The following CAMK1D variants were observed in gnomAD, a reference collection of about 807,000 sequenced individuals.
The protein encoded by CAMK1D is calcium/calmodulin dependent protein kinase ID, also known as calcium/calmodulin-dependent protein kinase type 1D.
CAMK1D carries 9 observed loss-of-function variants against 47.7 expected under a neutral mutation model. That is an observed-to-expected ratio of 0.19 (90% CI 0.11 to 0.33). The LOEUF is 0.33. Among genes scored for constraint, CAMK1D ranks in the 10% least tolerant of loss-of-function variants. The pLI is 1.00. For synonymous variants in CAMK1D, 184 were observed against 184.9 expected (o/e 0.99, Z 0.04); for missense variants, 291 against 488.7 (o/e 0.60, Z 3.81).
chr10:12,592,323 G>A (rs1429457185), intron 2 of CAMK1D, among the ~76,000 whole-genome samples: 2 of 152,152 alleles, frequency 1.3e-5, no homozygotes, highest in African/African-American at 4.8e-5. Context: ...TTGTTTTCCA[G>A]TATTTCTCAA....
chr10:12,719,243 C>A (rs748248726), intron 3 of CAMK1D, among the ~76,000 whole-genome samples: 7 of 151,768 alleles, frequency 4.6e-5, no homozygotes, highest in Non-Finnish European at 1.0e-4. Context: ...CCCGTCTCTA[C>A]TAAAAAGACA....
chr10:12,791,999 A>G (rs11257995), intron 6 of CAMK1D, among the ~76,000 whole-genome samples: 27,694 of 152,082 alleles, frequency 0.18, 3,982 homozygotes, highest in East Asian at 0.49. Flanking sequence ...CCTTTTTTTC[A>G]ATAATAGCCC....
At chr10:12,592,661 C>G (rs959890511) in intron 2 of CAMK1D, among the ~76,000 whole-genome samples, 1 of 152,184 alleles carries the variant, frequency 6.6e-6, no homozygotes, top group African/African-American at 2.4e-5. Flanking sequence ...TCACAAGTCT[C>G]TTTGGTATAA....
At chr10:12,630,984 C>A (rs1839364140) in intron 2 of CAMK1D, among the ~76,000 whole-genome samples, 1 of 152,130 alleles carries the variant, frequency 6.6e-6, no homozygotes, top group Admixed American at 6.5e-5. Flanking sequence ...CATAAACACA[C>A]AAACAGAAGG....
intron 9 of CAMK1D, among the ~76,000 whole-genome samples, chr10:12,825,213 A>G (rs1405312192): frequency 3.7e-5 from 3 of 82,022 alleles, no homozygotes; most frequent in East Asian, 4.0e-4. Flanking sequence ...AAAAGTACCA[A>G]TACTAGGAAA....
At chr10:12,358,172 C>T (rs539053066) in intron 1 of CAMK1D, among the ~76,000 whole-genome samples, 1 of 152,160 alleles carries the variant, frequency 6.6e-6, no homozygotes, top group Admixed American at 6.5e-5. Flanking sequence ...CTGCAGTGAG[C>T]TATGATGGTA....
At chr10:12,821,755 G>T (rs4748005) in intron 8 of CAMK1D, among the ~76,000 whole-genome samples, 1 of 152,044 alleles carries the variant, frequency 6.6e-6, no homozygotes, top group Admixed American at 6.5e-5. Context: ...CAGGCTGATC[G>T]CTGGAGGTCA....
At chr10:12,588,967 T>TTACA (rs766305388) in intron 2 of CAMK1D, among the ~76,000 whole-genome samples, 5 of 151,760 alleles carry the variant, frequency 3.3e-5, no homozygotes, top group African/African-American at 4.8e-5. Context: ...CAGGTGCATG[T>TTACA]TACATACATA....
intron 1 of CAMK1D, among the ~76,000 whole-genome samples, chr10:12,422,768 G>A (rs1195560417): frequency 1.3e-5 from 2 of 151,964 alleles, no homozygotes; most frequent in African/African-American, 2.4e-5. Flanking sequence ...TGCCTCCTGG[G>A]TTCAAGTGAT....
chr10:12,420,554 A>G (rs910949796), intron 1 of CAMK1D, among the ~76,000 whole-genome samples: 4 of 152,112 alleles, frequency 2.6e-5, no homozygotes, highest in Non-Finnish European at 4.4e-5. Flanking sequence ...ACCTTAGTCA[A>G]ATATACTCTT....
At chr10:12,769,823 A>G (rs759334222) in intron 5 of CAMK1D, 24 bp downstream of exon 5, 2 of 1,613,202 alleles carry the variant, frequency 1.2e-6, no homozygotes, top group African/African-American at 1.3e-5. Context: ...ATGTGCACAC[A>G]TGTGCCCGTG....
intron 1 of CAMK1D, among the ~76,000 whole-genome samples, chr10:12,463,275 T>C (rs367695531): frequency 5.3e-5 from 8 of 151,976 alleles, no homozygotes; most frequent in African/African-American, 1.7e-4. Flanking sequence ...GTAGCTGAGA[T>C]TAGAGGCGCA....
At chr10:12,687,169 C>T (rs1196449119) in intron 3 of CAMK1D, among the ~76,000 whole-genome samples, 1 of 151,998 alleles carries the variant, frequency 6.6e-6, no homozygotes, top group African/African-American at 2.4e-5. Context: ...TTAATATCAG[C>T]CTTCGTACTG....
chr10:12,500,219 TTG>T (rs1834659372), intron 1 of CAMK1D, among the ~76,000 whole-genome samples: 1 of 152,174 alleles, frequency 6.6e-6, no homozygotes, highest in Admixed American at 6.5e-5. Context: ...TGAGCTGAGA[TTG>T]TGCCACTGTA....
intron 1 of CAMK1D, among the ~76,000 whole-genome samples, chr10:12,434,355 C>T (rs1211860809): frequency 6.6e-6 from 1 of 152,172 alleles, no homozygotes; most frequent in East Asian, 1.9e-4. Context: ...TAAACGAGTG[C>T]CCTTCAGCGC....
chr10:12,515,490 C>T (rs1835177549), intron 1 of CAMK1D, among the ~76,000 whole-genome samples: 1 of 127,544 alleles, frequency 7.8e-6, no homozygotes, highest in Non-Finnish European at 1.6e-5. Context: ...CATATGTATA[C>T]ATGTGCCATG....
chr10:12,643,182 T>C (rs1839714304), intron 2 of CAMK1D, among the ~76,000 whole-genome samples: 1 of 152,152 alleles, frequency 6.6e-6, no homozygotes, highest in Non-Finnish European at 1.5e-5. Flanking sequence ...TTTGTATTTT[T>C]AGTAGAGATG....
intron 1 of CAMK1D, among the ~76,000 whole-genome samples, chr10:12,401,076 AATATATG>A (rs1564315619): frequency 3.0e-3 from 284 of 94,144 alleles, no homozygotes; most frequent in Middle Eastern, 8.7e-3. Context: ...TTATATATAT[AATATATG>A]TATTATATAT....
chr10:12,470,548 C>T (rs1232970468), intron 1 of CAMK1D, among the ~76,000 whole-genome samples: 1 of 150,854 alleles, frequency 6.6e-6, no homozygotes. Flanking sequence ...CATGGAGTCT[C>T]GCTCTGTCGC....
Sources: allele counts gnomAD v4.1 joint callset (sites outside exome capture counted in the v4.1 genomes callset), GRCh38; gene constraint gnomAD v4.1.1; transcripts MANE v1.5; gene names NCBI Gene and HGNC (gene_info 2026-07-23, HGNC 2026-07-21).